LDLRAD4: variants seen among roughly 807,000 people sequenced by gnomAD.
LDLRAD4 encodes low density lipoprotein receptor class A domain containing 4.
In LDLRAD4, 5 loss-of-function variants were observed where a neutral mutation model predicts 17.0. The ratio of observed to expected loss-of-function variants is 0.29; its 90% CI spans 0.15 to 0.62. The LOEUF (loss-of-function observed/expected upper bound fraction) is 0.62. LDLRAD4 is among the 20% of genes least tolerant of loss of function. The pLI, the probability that LDLRAD4 is intolerant of heterozygous loss-of-function variation, is 0.84. For synonymous variants in LDLRAD4, 168 were observed against 171.8 expected (o/e 0.98, Z 0.17); for missense variants, 340 against 424.7 (o/e 0.80, Z 1.75).
intron 3 of LDLRAD4, among the ~76,000 whole-genome samples, chr18:13,604,666 T>A (rs1163295244): frequency 6.6e-6 from 1 of 152,218 alleles, no homozygotes; most frequent in Non-Finnish European, 1.5e-5. Flanking sequence ...GTGAAAATTG[T>A]GATATATTTA....
intron 1 of LDLRAD4, chr18:13,241,701 C>T (rs568943216): frequency 6.6e-6 from 1 of 152,472 alleles, no homozygotes. Context: ...CCTCCTGCTG[C>T]AGGGCGCTCT....
chr18:13,401,370 G>T, intron 2 of LDLRAD4, among the ~76,000 whole-genome samples: 1 of 142,394 alleles, frequency 7.0e-6, no homozygotes, highest in East Asian at 2.1e-4. Context: ...TCATCGCTTT[G>T]AAAAAAAAAA....
At chr18:13,611,820 T>C in intron 3 of LDLRAD4, 2 of 985,572 alleles carry the variant, frequency 2.0e-6, no homozygotes, top group African/African-American at 1.7e-5. Context: ...CAGTGTTTCC[T>C]GCTGCGGTTA....
At chr18:13,242,383 G>A (rs2042706104) in intron 1 of LDLRAD4, among the ~76,000 whole-genome samples, 1 of 152,198 alleles carries the variant, frequency 6.6e-6, no homozygotes, top group African/African-American at 2.4e-5. Flanking sequence ...TTCAGGCCTG[G>A]AGCTGTGGCC....
intron 1 of LDLRAD4, among the ~76,000 whole-genome samples, chr18:13,228,549 A>G (rs2041921976): frequency 6.6e-6 from 1 of 152,130 alleles, no homozygotes; most frequent in Admixed American, 6.5e-5. Flanking sequence ...GCAGGACTTG[A>G]GGAAATGTCG....
chr18:13,371,548 C>T (rs1324321161), intron 1 of LDLRAD4, among the ~76,000 whole-genome samples: 1 of 152,172 alleles, frequency 6.6e-6, no homozygotes, highest in Non-Finnish European at 1.5e-5. Context: ...GCGGGTGGAT[C>T]ACTTGAGGTC....
chr18:13,581,017 G>A (rs1183316178), intron 3 of LDLRAD4, among the ~76,000 whole-genome samples: 1 of 152,180 alleles, frequency 6.6e-6, no homozygotes, highest in Non-Finnish European at 1.5e-5. Flanking sequence ...TTTGGATTTT[G>A]CATCTTTTGC....
chr18:13,506,963 A>C (rs567850554), intron 3 of LDLRAD4, among the ~76,000 whole-genome samples: 1 of 152,290 alleles, frequency 6.6e-6, no homozygotes, highest in South Asian at 2.1e-4. Context: ...ACTGTGCTTC[A>C]CAGATACCGT....
intron 1 of LDLRAD4, among the ~76,000 whole-genome samples, chr18:13,232,608 G>A (rs183667094): frequency 8.0e-4 from 122 of 152,078 alleles, no homozygotes; most frequent in Admixed American, 1.2e-3. Context: ...ATGTCACCTC[G>A]TGCTGCCGCA....
At position 13,368,211 on chromosome 18, in the gene LDLRAD4, G is replaced by A. The variant is rs560670615; in HGVS notation, c.-382-19130G>A. ...TTGGTGGCATTGGCGCACGGTTGGC[G>A]TGGAAGCCAAGTTTCTAGAGGGAGC... is the stretch of plus-strand genomic sequence containing the variant. On this transcript the variant is annotated intron_variant, in intron 1 of 5. Transcript: ENST00000359446. Among the ~76,000 whole-genome samples the A allele has an allele frequency of 4.6e-5, 7 of 152,262 alleles. No homozygotes were observed. The South Asian group carries it at 6.2e-4, about 14-fold the overall frequency.
At chr18:13,422,782 A>G (rs2089606563) in intron 2 of LDLRAD4, among the ~76,000 whole-genome samples, 3 of 152,190 alleles carry the variant, frequency 2.0e-5, no homozygotes. Flanking sequence ...ATCTCCAGCA[A>G]CAGATCTGTT....
At chr18:13,552,297 G>A (rs1317332687) in intron 3 of LDLRAD4, among the ~76,000 whole-genome samples, 1 of 152,190 alleles carries the variant, frequency 6.6e-6, no homozygotes, top group Non-Finnish European at 1.5e-5. Context: ...ACTTGCTGGG[G>A]CAGTGCAGAC....
chr18:13,445,438 GT>G lies in LDLRAD4; in HGVS notation c.181+7055del, dbSNP rs201825552. ...GCATGCATGCGTGGGTGTGCCATGGGTGGAGTGTGTATGCAGGTGTATGAAT... is the reference window on the plus strand; with the variant it reads ...GCATGCATGCGTGGGTGTGCCATGGGGGAGTGTGTATGCAGGTGTATGAAT... On this transcript the variant is annotated intron_variant, in intron 3 of 5. Coordinates refer to ENST00000359446, the Ensembl canonical transcript of LDLRAD4. Among the ~76,000 whole-genome samples the G allele has an allele frequency of 7.1e-3, 1,084 of 152,020 alleles. 5 individuals carry two copies. The highest frequency in any genetic ancestry group is 0.038 in the Middle Eastern group (11 of 290).
chr18:13,265,399 G>A (rs557856122), intron 1 of LDLRAD4, among the ~76,000 whole-genome samples: 1 of 152,234 alleles, frequency 6.6e-6, no homozygotes, highest in South Asian at 2.1e-4. Context: ...CAGTTCCTCC[G>A]GGGACACTCG....
intron 3 of LDLRAD4, among the ~76,000 whole-genome samples, chr18:13,450,328 C>CCCCA (rs2091735262): frequency 8.9e-6 from 1 of 112,400 alleles, no homozygotes; most frequent in South Asian, 3.6e-4. Context: ...CTCCCCCCAC[C>CCCCA]CCCCCCCCCA....
intron 3 of LDLRAD4, among the ~76,000 whole-genome samples, chr18:13,565,263 A>G (rs2094585646): frequency 6.6e-6 from 1 of 152,178 alleles, no homozygotes; most frequent in Non-Finnish European, 1.5e-5. Flanking sequence ...GGTGTCCAGG[A>G]GTGGGATGAA....
At chr18:13,619,114 C>T (rs1393704145) in intron 3 of LDLRAD4, among the ~76,000 whole-genome samples, 1 of 152,172 alleles carries the variant, frequency 6.6e-6, no homozygotes, top group Non-Finnish European at 1.5e-5. Context: ...GGTGCTGAGT[C>T]GCTCATCAAT....
At chr18:13,340,811 A>G (rs546392856) in intron 1 of LDLRAD4, among the ~76,000 whole-genome samples, 23 of 152,218 alleles carry the variant, frequency 1.5e-4, no homozygotes, top group African/African-American at 5.1e-4. Flanking sequence ...GCCATATCCA[A>G]TGTCATAAAG....
chr18:13,368,933 G>A (rs565274027), intron 1 of LDLRAD4, among the ~76,000 whole-genome samples: 5 of 152,334 alleles, frequency 3.3e-5, no homozygotes, highest in South Asian at 2.1e-4. Context: ...AGCGGTCCTG[G>A]CCTCAAGCTA....
Sources: gnomAD v4.1 joint callset for allele counts (sites outside exome capture counted in the v4.1 genomes callset) on GRCh38, gnomAD v4.1.1 for gene constraint, MANE v1.5 for transcripts, NCBI Gene and HGNC (gene_info 2026-07-23, HGNC 2026-07-21) for gene names.